The following RIT2 variants were observed in gnomAD, a reference collection of about 807,000 sequenced individuals.
The protein encoded by RIT2 is GTP-binding protein Rit2.
In RIT2, 24 loss-of-function variants were observed where a neutral mutation model predicts 23.7. The ratio of observed to expected loss-of-function variants is 1.01; its 90% CI spans 0.73 to 1.43. RIT2 has a LOEUF of 1.43. Among genes scored for constraint, RIT2 ranks in the 40% most tolerant of loss-of-function variants. The pLI is 0.00. For missense variants in RIT2, 236 were observed against 266.9 expected, an observed-to-expected ratio of 0.88 and a Z score of 0.81; for synonymous variants, 107 against 91.1, an observed-to-expected ratio of 1.17 and a Z score of -0.99.
chr18:42,923,441 A>T (rs1207462500), intron 4 of RIT2, 131 bp downstream of exon 4: 6 of 791,050 alleles, frequency 7.6e-6, no homozygotes, highest in Non-Finnish European at 8.4e-6. Flanking sequence ...GACCACCATG[A>T]CTTATTAGAA....
intron 1 of RIT2, among the ~76,000 whole-genome samples, chr18:43,064,533 G>A (rs908721780): frequency 6.6e-6 from 1 of 152,102 alleles, no homozygotes; most frequent in Non-Finnish European, 1.5e-5. Flanking sequence ...CTTAGGATCA[G>A]TAGATGGCAG....
chr18:42,931,431 T>C (rs904850469), intron 3 of RIT2, among the ~76,000 whole-genome samples: 2 of 152,144 alleles, frequency 1.3e-5, no homozygotes, highest in African/African-American at 4.8e-5. Context: ...CAAGTTAATG[T>C]TCCTTATTTC....
intron 3 of RIT2, among the ~76,000 whole-genome samples, chr18:42,940,426 C>A (rs1368239249): frequency 6.6e-6 from 1 of 150,656 alleles, no homozygotes; most frequent in Non-Finnish European, 1.5e-5. Flanking sequence ...TATAGACACA[C>A]ACACACATTA....
intron 4 of RIT2, among the ~76,000 whole-genome samples, chr18:42,798,467 A>G (rs1231209191): frequency 6.6e-6 from 1 of 152,242 alleles, no homozygotes; most frequent in Non-Finnish European, 1.5e-5. Flanking sequence ...TCAATTTCCA[A>G]TAGTTTATAA....
chr18:42,983,879 A>G (rs1910649725), intron 2 of RIT2, among the ~76,000 whole-genome samples: 1 of 152,136 alleles, frequency 6.6e-6, no homozygotes, highest in South Asian at 2.1e-4. Flanking sequence ...GTAAGAATGT[A>G]TAAAAATTGG....
chr18:43,091,121 A>G (rs900407066), intron 1 of RIT2, among the ~76,000 whole-genome samples: 1 of 151,918 alleles, frequency 6.6e-6, no homozygotes. Flanking sequence ...TTTAAAGTAA[A>G]TAAACAGAAT....
At chr18:42,905,797 C>T (rs1023813774) in intron 4 of RIT2, among the ~76,000 whole-genome samples, 1 of 150,778 alleles carries the variant, frequency 6.6e-6, no homozygotes, top group Admixed American at 6.7e-5. Flanking sequence ...TTGATATTGG[C>T]TATATCTGCT....
At chr18:42,981,181 A>G (rs76011334) in intron 2 of RIT2, among the ~76,000 whole-genome samples, 6 of 152,256 alleles carry the variant, frequency 3.9e-5, no homozygotes, top group African/African-American at 1.4e-4. Flanking sequence ...TTTCCTCCCC[A>G]GCACCTGGCA....
In RIT2 at chr18:42,834,009, A is replaced by G. The variant is rs528311120; in HGVS notation, c.426+89563T>C. 2.0e-5 allele frequency among the ~76,000 whole-genome samples: 3 copies of G among 152,240 alleles called. No individual in the cohort carries two copies. In the South Asian group the frequency reaches 6.2e-4, roughly 32 times the overall value. ...AGACTTTTCAATAACCACTAAAAAT[A>G]CATATTGCTTCTGTTTTACACAGAG... On this transcript the variant is annotated intron_variant, in intron 4 of 4. Coordinates refer to ENST00000326695, the MANE Select transcript of RIT2 (RefSeq NM_002930.4).
At chr18:42,810,946 A>C (rs1905833721) in intron 4 of RIT2, among the ~76,000 whole-genome samples, 1 of 152,028 alleles carries the variant, frequency 6.6e-6, no homozygotes, top group Admixed American at 6.6e-5. Context: ...TTCAATTTTT[A>C]TCTTTCCAAA....
At chr18:43,081,525 TATGTGCTCTTACCACTATTC>T (rs1913157670) in intron 1 of RIT2, among the ~76,000 whole-genome samples, 1 of 152,188 alleles carries the variant, frequency 6.6e-6, no homozygotes, top group African/African-American at 2.4e-5. Context: ...TCTGACTTCA[TATGTGCTCTTACCACTATTC>T]ATCAGGAGTT....
chr18:42,943,337 G>A (rs561224455), intron 3 of RIT2, among the ~76,000 whole-genome samples: 3 of 152,144 alleles, frequency 2.0e-5, no homozygotes, highest in African/African-American at 7.2e-5. Context: ...GCACTGATTG[G>A]TGTGTTTTTA....
intron 2 of RIT2, among the ~76,000 whole-genome samples, chr18:43,025,889 T>C (rs767824537): frequency 6.6e-6 from 1 of 152,032 alleles, no homozygotes; most frequent in Admixed American, 6.6e-5. Context: ...CAAGGTACAA[T>C]ATTCAGGTGA....
At chr18:42,916,916 C>T (rs554938730) in intron 4 of RIT2, among the ~76,000 whole-genome samples, 81 of 152,118 alleles carry the variant, frequency 5.3e-4, no homozygotes, top group Non-Finnish European at 6.6e-4. Context: ...AACGTTAATG[C>T]AAACCCAACA....
intron 1 of RIT2, among the ~76,000 whole-genome samples, chr18:43,089,697 AC>A (rs1244275538): frequency 1.4e-4 from 22 of 152,210 alleles, no homozygotes; most frequent in African/African-American, 5.1e-4. Flanking sequence ...AGACACATAG[AC>A]CAATGAAACA....
chr18:43,101,288 G>A (rs924457992), intron 1 of RIT2, among the ~76,000 whole-genome samples: 3 of 151,950 alleles, frequency 2.0e-5, no homozygotes, highest in Non-Finnish European at 2.9e-5. Context: ...AAATTATTTT[G>A]TACAGTGGCT....
At chr18:42,804,905 G>A (rs955343633) in intron 4 of RIT2, among the ~76,000 whole-genome samples, 1 of 152,204 alleles carries the variant, frequency 6.6e-6, no homozygotes, top group African/African-American at 2.4e-5. Context: ...AGGGCAGTGT[G>A]AGGCCATTGG....
intron 4 of RIT2, among the ~76,000 whole-genome samples, chr18:42,852,776 CCTCT>C (rs1384868419): frequency 1.2e-4 from 16 of 135,252 alleles, no homozygotes; most frequent in East Asian, 4.5e-4. Context: ...TCCCTCCCTC[CCTCT>C]CTCCCTCCCT....
chr18:43,044,557 C>G (rs570167351), intron 1 of RIT2, among the ~76,000 whole-genome samples: 6 of 152,198 alleles, frequency 3.9e-5, no homozygotes, highest in African/African-American at 1.4e-4. Flanking sequence ...CATCACAGTT[C>G]AAAGATGGGA....
Sources: allele counts gnomAD v4.1 joint callset (sites outside exome capture counted in the v4.1 genomes callset), GRCh38; gene constraint gnomAD v4.1.1; transcripts MANE v1.5; gene names NCBI Gene and HGNC (gene_info 2026-07-23, HGNC 2026-07-21).